The following SERHL2 variants were observed in gnomAD, a reference collection of about 807,000 sequenced individuals.
SERHL2 encodes serine hydrolase like 2.
In SERHL2, 29 loss-of-function variants were observed where a neutral mutation model predicts 25.5. The observed-to-expected ratio is 1.14, with a 90% CI of 0.85 to 1.55. SERHL2 has a LOEUF of 1.55. Ranked by LOEUF, SERHL2 falls within the 40% of genes most tolerant of loss-of-function variation. SERHL2 has a pLI of 0.00. For missense variants in SERHL2, 240 were observed against 252.3 expected, an observed-to-expected ratio of 0.95 and a Z score of 0.33; for synonymous variants, 95 against 103.5, an observed-to-expected ratio of 0.92 and a Z score of 0.50.
intron 1 of SERHL2, 167 bp downstream of exon 1, chr22:42,554,209 TGGG>T (rs767458860): frequency 1.5e-4 from 127 of 854,162 alleles, no homozygotes; most frequent in East Asian, 1.2e-3. Flanking sequence ...GGCCAGGAGT[TGGG>T]GGACCCGGGA....
chr22:42,568,843 G>T (rs111226147), intron 9 of SERHL2, among the ~76,000 whole-genome samples: 2 of 151,804 alleles, frequency 1.3e-5, no homozygotes. Context: ...GCACACACCT[G>T]TAGTCCCAGC....
chr22:42,560,625 T>TG (rs1171176150), intron 8 of SERHL2, among the ~76,000 whole-genome samples: 2 of 151,926 alleles, frequency 1.3e-5, no homozygotes, highest in East Asian at 1.9e-4. Flanking sequence ...CTGAGTGACT[T>TG]GGGAGAGGCT....
Position 42,574,129 on chromosome 22 carries a change from A to G in SERHL2, c.*74A>G, listed in dbSNP as rs1924674629. 10 of 1,390,164 alleles carry G rather than the reference A, an allele frequency of 7.2e-6. No individual in the cohort carries two copies. Among genetic ancestry groups the G allele is most frequent in the Non-Finnish European group, 1.0e-5 (10 of 986,454 alleles). 86.1% of individuals were successfully genotyped at this position (1,390,164 alleles called of 1,614,324 possible). ...GGACTCTGAGTTCCTGAGCCCCACA[A>G]CAAGGCCAGGGATGGTGGGGACAGG... On this transcript the variant is annotated 3_prime_UTR_variant, in exon 12 of 12. Coordinates refer to ENST00000327678, the MANE Select transcript of SERHL2 (RefSeq NM_014509.5).
Position 42,553,969 on chromosome 22 carries a change from G to C in SERHL2, c.-52G>C. On this transcript the variant is annotated 5_prime_UTR_variant, in exon 1 of 12. Coordinates refer to ENST00000327678, the MANE Select transcript of SERHL2 (RefSeq NM_014509.5). ...ATTGCGGGCGTCACTCTGCTCCTGC[G>C]ACCTAGCCAGGCGTGAGGGAGTGAC... 4 of 1,609,526 alleles carry C rather than the reference G, an allele frequency of 2.5e-6. No homozygotes were observed. The highest frequency in any genetic ancestry group is 1.3e-5 in the African/African-American group (1 of 74,982).
chr22:42,569,329 G>C (rs921700662), intron 9 of SERHL2: 4 of 151,474 alleles, frequency 2.6e-5, no homozygotes, highest in African/African-American at 9.7e-5. Flanking sequence ...CCCGAGTTTG[G>C]CTGCCTGCAA....
At chr22:42,562,693 G>A (rs567430408) in intron 8 of SERHL2, among the ~76,000 whole-genome samples, 9 of 152,092 alleles carry the variant, frequency 5.9e-5, no homozygotes, top group Admixed American at 2.0e-4. Context: ...GACTCCAGGA[G>A]GAGAAAGGAG....
In SERHL2 at chr22:42,566,271, T is replaced by C. The variant is rs375194492; in HGVS notation, c.614-33T>C. The C allele has an allele frequency of 6.8e-5, 109 of 1,605,204 alleles. 2 individuals are homozygous for C. The highest frequency in any genetic ancestry group is 1.6e-4 in the African/African-American group (12 of 74,966). On this transcript the variant is annotated intron_variant, in intron 8 of 11. Coordinates refer to ENST00000327678, the MANE Select transcript of SERHL2 (RefSeq NM_014509.5). ...CGTCCCCTGACCCTGATGGACAGCA[T>C]TGACGCTGCTGTCTTTGTGCTTCCG...
In SERHL2 at chr22:42,574,155, C is replaced by G; in HGVS notation, c.*100C>G. On this transcript the variant is annotated 3_prime_UTR_variant, in exon 12 of 12. Transcript: ENST00000327678. ...CAAGGCCAGGGATGGTGGGGACAGG[C>G]CTCACTAGTCTTGAGGCCCAGCCTA... The G allele has an allele frequency of 1.8e-6, 2 of 1,107,060 alleles. No homozygotes were observed. The highest frequency in any genetic ancestry group is 1.3e-6 in the Non-Finnish European group (1 of 745,464). 68.6% of individuals were successfully genotyped at this position (1,107,060 alleles called of 1,614,324 possible).
At chr22:42,573,779 G>T (rs1223000468) in intron 11 of SERHL2, 157 bp from the exon 12 acceptor site, 3 of 752,450 alleles carry the variant, frequency 4.0e-6, no homozygotes, top group Non-Finnish European at 6.8e-6. Flanking sequence ...TGGACTGTCG[G>T]GGCTCCAAGG....
chr22:42,566,000 A>G (rs934677356), intron 8 of SERHL2, among the ~76,000 whole-genome samples: 10 of 151,990 alleles, frequency 6.6e-5, no homozygotes, highest in Admixed American at 5.2e-4. Flanking sequence ...AGTTTCTCAG[A>G]GACTAGAGCT....
intron 9 of SERHL2, among the ~76,000 whole-genome samples, chr22:42,566,745 G>A (rs1463825341): frequency 2.8e-4 from 43 of 152,168 alleles, no homozygotes; most frequent in Non-Finnish European, 5.4e-4. Flanking sequence ...TCTGTTGAGA[G>A]GGGGATTCCT....
chr22:42,566,833 C>G (rs1923459057), intron 9 of SERHL2, among the ~76,000 whole-genome samples: 1 of 152,268 alleles, frequency 6.6e-6, no homozygotes, highest in Admixed American at 6.5e-5. Context: ...ATCTGGAGGC[C>G]TGTGTCACTG....
At chr22:42,571,473 C>T in intron 10 of SERHL2, 1 of 1,305,064 alleles carries the variant, frequency 7.7e-7, no homozygotes, top group South Asian at 1.9e-5. Flanking sequence ...GGTAAGGCTC[C>T]ATAACCAGTG....
Position 42,560,183 on chromosome 22 carries a change from C to G in SERHL2, c.534-3C>G, listed in dbSNP as rs75727575. ...CACCCAGCATCCTTCTGTCTCCCCC[C>G]AGGTTACTGAAGAGCAATAGCCACT... is the stretch of plus-strand genomic sequence containing the variant. On this transcript the variant is annotated splice_polypyrimidine_tract_variant and splice_region_variant and intron_variant, in intron 7 of 11. Coordinates refer to ENST00000327678, the MANE Select transcript of SERHL2 (RefSeq NM_014509.5). 2 of 1,609,970 alleles carry G rather than the reference C, an allele frequency of 1.2e-6. No individual in the cohort carries two copies. The highest frequency in any genetic ancestry group is 1.7e-6 in the Non-Finnish European group (2 of 1,176,514).
Position 42,572,431 on chromosome 22 carries a change from T to G in SERHL2, c.732-5T>G, listed in dbSNP as rs372486946. On this transcript the variant is annotated splice_polypyrimidine_tract_variant and splice_region_variant and intron_variant, in intron 10 of 11. Coordinates refer to ENST00000327678, the MANE Select transcript of SERHL2 (RefSeq NM_014509.5). The stretch of plus-strand genomic sequence containing the variant: ...CCCAACAACCCCCAACTCCTCACTT[T>G]CCAGAGCAGTCCACGGATATTTTGA... The G allele has an allele frequency of 6.2e-7, 1 of 1,606,408 alleles. No individual in the cohort carries two copies. Among genetic ancestry groups the G allele is most frequent in the South Asian group, 1.1e-5 (1 of 90,738 alleles).
At chr22:42,563,283 A>AT (rs1922925676) in intron 8 of SERHL2, 1 of 211,040 alleles carries the variant, frequency 4.7e-6, no homozygotes, top group Non-Finnish European at 1.0e-5. Flanking sequence ...GGCTCACTGC[A>AT]GCCTTGGCCT....
intron 8 of SERHL2, 94 bp downstream of exon 8, chr22:42,560,359 C>T (rs941347152): frequency 1.6e-5 from 15 of 912,504 alleles, no homozygotes; most frequent in African/African-American, 1.3e-4. Context: ...GGATACTAAG[C>T]GCTTTGCAAA....
intron 8 of SERHL2, among the ~76,000 whole-genome samples, chr22:42,562,404 G>C (rs1922798941): frequency 6.6e-6 from 1 of 151,874 alleles, no homozygotes; most frequent in Non-Finnish European, 1.5e-5. Flanking sequence ...GGCCTCGGCA[G>C]GGCTGGTTCC....
chr22:42,561,945 G>A (rs548814566), intron 8 of SERHL2, among the ~76,000 whole-genome samples: 4 of 151,866 alleles, frequency 2.6e-5, no homozygotes, highest in Admixed American at 6.6e-5. Flanking sequence ...GAATGAGGCC[G>A]GGGAATTCGA....
Sources: gnomAD v4.1 joint callset for allele counts (sites outside exome capture counted in the v4.1 genomes callset) on GRCh38, gnomAD v4.1.1 for gene constraint, MANE v1.5 for transcripts, NCBI Gene and HGNC (gene_info 2026-07-23, HGNC 2026-07-21) for gene names.